The following DGKI variants were observed in gnomAD, a reference collection of about 807,000 sequenced individuals.
DGKI encodes the protein diacylglycerol kinase iota, also known as DAG kinase iota.
DGKI carries 55 observed loss-of-function variants against 147.5 expected under a neutral mutation model. That is an observed-to-expected ratio of 0.37 (90% CI 0.30 to 0.47). The LOEUF (loss-of-function observed/expected upper bound fraction) is 0.47. DGKI is among the 20% of genes least tolerant of loss of function. DGKI has a pLI of 1.00. For missense variants in DGKI, 1,007 were observed against 1,323.8 expected (o/e 0.76, Z 3.71); for synonymous variants, 469 against 477.1 (o/e 0.98, Z 0.22).
At chr7:137,821,220 G>T (rs977092935) in intron 1 of DGKI, among the ~76,000 whole-genome samples, 9 of 152,144 alleles carry the variant, frequency 5.9e-5, no homozygotes, top group Non-Finnish European at 8.8e-5. Flanking sequence ...CTTCACGTCC[G>T]TAGTTACTGA....
chr7:137,809,143 C>T (rs1797480821), intron 1 of DGKI, among the ~76,000 whole-genome samples: 2 of 152,108 alleles, frequency 1.3e-5, no homozygotes, highest in Admixed American at 1.3e-4. Context: ...GGGCTTTATC[C>T]TCTAGGCAGT....
At position 137,628,056 on chromosome 7, in the gene DGKI, T is replaced by C. The variant is rs866150828; in HGVS notation, c.805-4502A>G. ...CTAAGGAGTGCTTTTATTGCCAAGA[T>C]CTATGAACAAGAATCTCTTCCACCA... On this transcript the variant is annotated intron_variant, in intron 6 of 32. Coordinates refer to ENST00000614521, the MANE Select transcript of DGKI (RefSeq NM_001321708.2). 3.9e-5 allele frequency among the ~76,000 whole-genome samples: 6 copies of C among 152,324 alleles called. No individual in the cohort carries two copies. The Middle Eastern group carries it at 0.014, about 345-fold the overall frequency.
chr7:137,553,663 T>C (rs576873662), intron 19 of DGKI, among the ~76,000 whole-genome samples: 1 of 152,348 alleles, frequency 6.6e-6, no homozygotes, highest in East Asian at 1.9e-4. Flanking sequence ...TACAGTTTAA[T>C]AAATATTTTA....
At chr7:137,392,932 A>G (rs1811418338) in intron 32 of DGKI, among the ~76,000 whole-genome samples, 1 of 152,220 alleles carries the variant, frequency 6.6e-6, no homozygotes, top group African/African-American at 2.4e-5. Flanking sequence ...CAAAATTTAA[A>G]AATCCTTAAA....
chr7:137,629,415 A>C (rs1305771515), intron 6 of DGKI, among the ~76,000 whole-genome samples: 1 of 152,166 alleles, frequency 6.6e-6, no homozygotes, highest in Non-Finnish European at 1.5e-5. Flanking sequence ...GTGTCAAGAC[A>C]ATTTTTCCAT....
chr7:137,467,202 T>C (rs1024005372), intron 24 of DGKI, among the ~76,000 whole-genome samples: 2 of 152,222 alleles, frequency 1.3e-5, no homozygotes, highest in African/African-American at 4.8e-5. Context: ...GTGCTTCTGC[T>C]TCTGTGAAAC....
At chr7:137,679,972 C>G (rs1352951032) in intron 2 of DGKI, among the ~76,000 whole-genome samples, 1 of 122,648 alleles carries the variant, frequency 8.2e-6, no homozygotes, top group Non-Finnish European at 1.6e-5. Flanking sequence ...GCCTGGGCGA[C>G]AGAGTGAGAC....
chr7:137,775,843 G>T (rs1245040062), intron 1 of DGKI, among the ~76,000 whole-genome samples: 7 of 152,096 alleles, frequency 4.6e-5, no homozygotes, highest in Admixed American at 6.6e-5. Context: ...AGGGAAAGAT[G>T]TCAAAAGTAT....
At chr7:137,749,587 T>C (rs974716471) in intron 1 of DGKI, among the ~76,000 whole-genome samples, 4 of 152,198 alleles carry the variant, frequency 2.6e-5, no homozygotes, top group African/African-American at 9.6e-5. Context: ...AATCAGCTTG[T>C]AGACAGAGGA....
intron 1 of DGKI, among the ~76,000 whole-genome samples, chr7:137,691,809 T>TTTTTTTTTTTGTTTTG (rs1823620797): frequency 1.4e-5 from 2 of 141,012 alleles, no homozygotes; most frequent in African/African-American, 5.6e-5. Context: ...TTTTTTTTTT[T>TTTTTTTTTTTGTTTTG]TTTTTTTTTT....
rs1585553926 is a variant in DGKI, at chr7:137,837,635, T to C, written c.401+8827A>G. ...AGAAAGAGACCCCCAGGAGCCTCAC[T>C]ACCTCCACCCTGTGAGGACACCATG... On this transcript the variant is annotated intron_variant, in intron 1 of 32. Transcript: ENST00000614521. 3.3e-5 allele frequency among the ~76,000 whole-genome samples: 5 copies of C among 152,298 alleles called. No individual in the cohort carries two copies. The South Asian group carries it at 1.0e-3, about 32-fold the overall frequency.
chr7:137,677,381 T>G (rs533494087), intron 3 of DGKI, among the ~76,000 whole-genome samples: 1 of 152,344 alleles, frequency 6.6e-6, no homozygotes, highest in Admixed American at 6.5e-5. Flanking sequence ...GCTCCAGGTT[T>G]CCCGACTTCC....
At chr7:137,567,771 T>A (rs188598688) in intron 19 of DGKI, among the ~76,000 whole-genome samples, 109 of 152,342 alleles carry the variant, frequency 7.2e-4, no homozygotes, top group African/African-American at 2.4e-3. Context: ...TTCATTTTTT[T>A]AAATAATATA....
chr7:137,493,901 G>C, intron 21 of DGKI: 1 of 618,404 alleles, frequency 1.6e-6, no homozygotes, highest in African/African-American at 1.8e-5. Flanking sequence ...TCAGGAGAAA[G>C]TTAACACCCA....
intron 1 of DGKI, among the ~76,000 whole-genome samples, chr7:137,764,186 C>T (rs191412670): frequency 6.6e-6 from 1 of 152,006 alleles, no homozygotes; most frequent in East Asian, 1.9e-4. Context: ...TAAAGTGCCC[C>T]TCCCCTCCTC....
chr7:137,825,596 A>G (rs1347903497), intron 1 of DGKI, among the ~76,000 whole-genome samples: 1 of 152,020 alleles, frequency 6.6e-6, no homozygotes, highest in Non-Finnish European at 1.5e-5. Flanking sequence ...TTACACAGGC[A>G]TGCACCCCCC....
chr7:137,650,549 G>A (rs1374745963), intron 5 of DGKI, among the ~76,000 whole-genome samples: 5 of 152,156 alleles, frequency 3.3e-5, no homozygotes, highest in African/African-American at 1.2e-4. Context: ...GTGTTTGAAA[G>A]GTGATCAAGT....
chr7:137,579,392 T>C (rs138598382), intron 15 of DGKI, among the ~76,000 whole-genome samples: 257 of 135,154 alleles, frequency 1.9e-3, no homozygotes, highest in Non-Finnish European at 3.1e-3. Context: ...ATTTCTTGAC[T>C]AACTAGTTAA....
Position 137,389,474 on chromosome 7 carries a change from C to A in DGKI, c.*1746G>T, listed in dbSNP as rs1328615511. ...TGTGACTCAGATAAGCAAAATGTCA[C>A]CATTAGACTTTTAAATTAAATGTAG... On this transcript the variant is annotated 3_prime_UTR_variant, in exon 33 of 33. Coordinates refer to ENST00000614521, the MANE Select transcript of DGKI (RefSeq NM_001321708.2). 1 of 152,120 alleles carries A rather than the reference C, an allele frequency of 6.6e-6. No homozygotes were observed. The highest frequency in any genetic ancestry group is 1.9e-4 in the East Asian group (1 of 5,190). The allele number at this position is 152,120 out of a possible 1,614,324, so 9.4% of individuals were successfully genotyped here. A position where few individuals can be genotyped will look rare whatever the true frequency, so the allele number is the denominator to read the frequency against.
Sources: allele counts gnomAD v4.1 joint callset (sites outside exome capture counted in the v4.1 genomes callset), GRCh38; gene constraint gnomAD v4.1.1; transcripts MANE v1.5; gene names NCBI Gene and HGNC (gene_info 2026-07-23, HGNC 2026-07-21).